The following KIF18A variants were observed in gnomAD, a reference collection of about 807,000 sequenced individuals.
KIF18A encodes kinesin family member 18A.
In KIF18A, 67 loss-of-function variants were observed where a neutral mutation model predicts 103.3. The ratio of observed to expected loss-of-function variants is 0.65; its 90% CI spans 0.53 to 0.79. KIF18A has a LOEUF of 0.79. KIF18A is among the 30% of genes least tolerant of loss of function. KIF18A has a pLI of 0.00. For missense variants in KIF18A, 1,032 were observed against 1,062.5 expected (o/e 0.97, Z 0.40); for synonymous variants, 367 against 355.5 (o/e 1.03, Z -0.36).
chr11:28,039,167 T>C (rs1850529424), intron 13 of KIF18A, among the ~76,000 whole-genome samples: 1 of 151,700 alleles, frequency 6.6e-6, no homozygotes, highest in Non-Finnish European at 1.5e-5. Flanking sequence ...TAGGATTATA[T>C]GATAAGGGTT....
intron 16 of KIF18A, among the ~76,000 whole-genome samples, chr11:28,021,569 TCTGA>T (rs1379037385): frequency 6.6e-6 from 1 of 152,234 alleles, no homozygotes; most frequent in Non-Finnish European, 1.5e-5. Flanking sequence ...TTTCTTTCTT[TCTGA>T]CTAATAAAAG....
intron 15 of KIF18A, among the ~76,000 whole-genome samples, chr11:28,030,864 G>C (rs544231476): frequency 8.6e-5 from 13 of 150,358 alleles, no homozygotes; most frequent in African/African-American, 3.2e-4. Flanking sequence ...ATCAAAAAGT[G>C]GGCGAAGGAC....
At chr11:28,025,817 AAAGTT>A (rs1165739394) in intron 15 of KIF18A, among the ~76,000 whole-genome samples, 1 of 152,006 alleles carries the variant, frequency 6.6e-6, no homozygotes, top group Non-Finnish European at 1.5e-5. Flanking sequence ...AACTATAAAT[AAAGTT>A]AAGAATTAAC....
chr11:28,026,730 C>G (rs1203338917), intron 15 of KIF18A, among the ~76,000 whole-genome samples: 1 of 151,672 alleles, frequency 6.6e-6, no homozygotes, highest in Non-Finnish European at 1.5e-5. Flanking sequence ...TTTGTGACAT[C>G]TTAGTAAACA....
At chr11:28,052,477 AC>A (rs35391475) in intron 13 of KIF18A, among the ~76,000 whole-genome samples, 44,004 of 151,698 alleles carry the variant, frequency 0.29, 7,207 homozygotes, top group African/African-American at 0.44. Context: ...GAGATTTTGC[AC>A]TGTGATTGTG....
chr11:28,069,476 CATG>C, intron 10 of KIF18A, 53 bp from the exon 11 acceptor site: 2 of 1,514,280 alleles, frequency 1.3e-6, no homozygotes, highest in East Asian at 2.3e-5. Flanking sequence ...ATTTGATGTA[CATG>C]ATATTAGTAA....
chr11:28,051,649 C>A (rs1210059608), intron 13 of KIF18A, among the ~76,000 whole-genome samples: 1 of 151,802 alleles, frequency 6.6e-6, no homozygotes, highest in East Asian at 1.9e-4. Flanking sequence ...AAAAAGGAAA[C>A]CTCAAACAAA....
At chr11:28,049,147 A>G (rs1376965695) in intron 13 of KIF18A, among the ~76,000 whole-genome samples, 2 of 152,102 alleles carry the variant, frequency 1.3e-5, no homozygotes, top group Non-Finnish European at 2.9e-5. Flanking sequence ...TTCTAAAAAT[A>G]TTTTAAAATA....
At chr11:28,094,897 A>AGT in intron 2 of KIF18A, 97 bp from the exon 3 acceptor site, 1 of 1,219,838 alleles carries the variant, frequency 8.2e-7, no homozygotes, top group Non-Finnish European at 1.2e-6. Flanking sequence ...TATCCTGAAC[A>AGT]GTATCTTTAA....
intron 13 of KIF18A, among the ~76,000 whole-genome samples, chr11:28,048,940 T>G (rs1260184766): frequency 2.0e-5 from 3 of 152,080 alleles, no homozygotes; most frequent in Non-Finnish European, 4.4e-5. Flanking sequence ...AAGGTTGGGA[T>G]ACAAGGTGCT....
At chr11:28,075,081 A>G (rs1427389349) in intron 10 of KIF18A, among the ~76,000 whole-genome samples, 1 of 152,100 alleles carries the variant, frequency 6.6e-6, no homozygotes, top group East Asian at 1.9e-4. Flanking sequence ...TCAACCACAA[A>G]TTTTTGCATA....
chr11:28,076,953 A>AAG, intron 10 of KIF18A, 54 bp downstream of exon 10: 1 of 911,244 alleles, frequency 1.1e-6, no homozygotes, highest in South Asian at 2.0e-5. Flanking sequence ...AAAAAAAAAA[A>AAG]AAGCCCCCAT....
intron 11 of KIF18A, among the ~76,000 whole-genome samples, chr11:28,066,258 C>T (rs1030802439): frequency 3.3e-5 from 5 of 151,914 alleles, no homozygotes; most frequent in African/African-American, 7.2e-5. Context: ...GTCAACATTC[C>T]ACACCTGCTA....
chr11:28,023,747 T>C lies in KIF18A; in HGVS notation c.2608A>G (p.Thr870Ala), dbSNP rs753830666. Residue 870 changes from threonine to alanine, a missense_variant, in exon 16 of 17, where the codon ACA becomes GCA. Thr to Ala is a moderately conservative substitution (Grantham distance 58). Coordinates refer to ENST00000263181, the MANE Select transcript of KIF18A (RefSeq NM_031217.4). ...ATTAAAAGCTGAGACATACCCATTGTTGGTTTGTTTTCTTGTAAGTGCTTC... is the reference window on the plus strand; with the variant it reads ...ATTAAAAGCTGAGACATACCCATTGCTGGTTTGTTTTCTTGTAAGTGCTTC... ...SEKHLQENKP[T>A]MEHKRNICKI... 11 of 1,589,078 alleles carry C rather than the reference T, an allele frequency of 6.9e-6. No homozygotes were observed. The Admixed American group carries it at 1.5e-4, about 22-fold the overall frequency.
chr11:28,061,908 G>A (rs1850860539), intron 12 of KIF18A, among the ~76,000 whole-genome samples: 2 of 152,098 alleles, frequency 1.3e-5, no homozygotes, highest in African/African-American at 4.8e-5. Flanking sequence ...TTACTACTGA[G>A]CTAGAAGAGA....
chr11:28,103,221 C>G (rs959284028), intron 1 of KIF18A, among the ~76,000 whole-genome samples: 1 of 151,640 alleles, frequency 6.6e-6, no homozygotes, highest in Non-Finnish European at 1.5e-5. Flanking sequence ...AAATCTAAAA[C>G]TTTGTGAGCA....
Position 28,081,976 on chromosome 11 carries a change from C to G in KIF18A, c.1262+880G>C, listed in dbSNP as rs771278548. ...GGGGTTCAAGATTTCAGTGAAGAAA[C>G]TAACTGCAGATGTGGTGGACATGAA... On this transcript the variant is annotated intron_variant, in intron 9 of 16. Transcript: ENST00000263181. 3.3e-5 allele frequency among the ~76,000 whole-genome samples: 5 copies of G among 152,124 alleles called. No individual in the cohort carries two copies. The South Asian group carries it at 8.3e-4, about 25-fold the overall frequency.
intron 7 of KIF18A, 120 bp downstream of exon 7, chr11:28,084,512 T>C (rs1248129288): frequency 8.1e-6 from 6 of 739,920 alleles, no homozygotes; most frequent in Admixed American, 6.2e-5. Flanking sequence ...AAGACCCTTC[T>C]AACCCTCAGC....
At chr11:28,103,816 C>A (rs1011833703) in intron 1 of KIF18A, among the ~76,000 whole-genome samples, 2 of 151,958 alleles carry the variant, frequency 1.3e-5, no homozygotes, top group African/African-American at 4.8e-5. Context: ...ACAATGAGAA[C>A]CCTGAGGCAT....
Sources: allele counts gnomAD v4.1 joint callset (sites outside exome capture counted in the v4.1 genomes callset), GRCh38; gene constraint gnomAD v4.1.1; transcripts MANE v1.5; gene names NCBI Gene and HGNC (gene_info 2026-07-23, HGNC 2026-07-21).